Variants in BUB1 observed in about 807,000 individuals in gnomAD.
The protein encoded by BUB1 is BUB1 mitotic checkpoint serine/threonine kinase.
In BUB1, 84 loss-of-function variants were observed where a neutral mutation model predicts 135.2. The ratio of observed to expected loss-of-function variants is 0.62; its 90% CI spans 0.52 to 0.74. The LOEUF (loss-of-function observed/expected upper bound fraction) is 0.74, where lower values mean the gene tolerates loss of function less well. Among genes scored for constraint, BUB1 ranks in the 30% least tolerant of loss-of-function variants. The pLI is 0.00. For missense variants in BUB1, 1,162 were observed against 1,288.3 expected (o/e 0.90, Z 1.50); for synonymous variants, 403 against 434.4 (o/e 0.93, Z 0.90).
At position 110,661,724 on chromosome 2, in the gene BUB1, G is replaced by T. The variant is rs1181369842; in HGVS notation, c.1075C>A (p.Pro359Thr). 6.2e-7 allele frequency: 1 copy of T among 1,614,206 alleles called. No individual in the cohort carries two copies. Among genetic ancestry groups the T allele is most frequent in the Admixed American group, 1.7e-5 (1 of 60,028 alleles). ...VNMEKNPREA[P>T]PVVPPLANAI... is the part of the protein sequence containing the mutation. ...TTTGCCAAAGGAGGAACAACAGGAG[G>T]TGCCTCTCTTGGGTTCTTTTCCATG... The change falls in exon 10 of 25, where the codon CCT (proline) becomes ACT (threonine). Residue 359 changes from proline (P) to threonine (T), a missense_variant. Physicochemically the swap from Pro to Thr is conservative, Grantham distance 38. Coordinates refer to ENST00000302759, the MANE Select transcript of BUB1 (RefSeq NM_004336.5).
chr2:110,644,538 T>TA (rs1689595036), intron 19 of BUB1, among the ~76,000 whole-genome samples: 2 of 141,332 alleles, frequency 1.4e-5, no homozygotes, highest in African/African-American at 5.3e-5. Flanking sequence ...AAATTAATGA[T>TA]AGACACCAAA....
chr2:110,645,068 A>C (rs1689607499), intron 19 of BUB1, among the ~76,000 whole-genome samples: 1 of 152,092 alleles, frequency 6.6e-6, no homozygotes, highest in Non-Finnish European at 1.5e-5. Flanking sequence ...ATCAATAATC[A>C]CTTTAAATAT....
At chr2:110,641,272 G>A in intron 22 of BUB1, 35 bp downstream of exon 22, 1 of 1,588,378 alleles carries the variant, frequency 6.3e-7, no homozygotes, top group Non-Finnish European at 8.6e-7. Context: ...ATGGAAATAG[G>A]AAGAGAAGAA....
At chr2:110,663,965 C>T (rs541444394) in intron 9 of BUB1, among the ~76,000 whole-genome samples, 54 of 146,894 alleles carry the variant, frequency 3.7e-4, no homozygotes, top group Non-Finnish European at 6.1e-4. Flanking sequence ...GGAGGCGGAG[C>T]TTGCAGTGAG....
At chr2:110,647,413 T>C (rs1188032650) in intron 19 of BUB1, among the ~76,000 whole-genome samples, 2 of 152,138 alleles carry the variant, frequency 1.3e-5, no homozygotes, top group African/African-American at 4.8e-5. Context: ...TTATCCCAGG[T>C]ATACAAGGCT....
Position 110,666,415 on chromosome 2 carries a change from C to T in BUB1, c.806-1G>A, listed in dbSNP as rs1484632925. On this transcript the variant is annotated splice_acceptor_variant, in intron 8 of 24. Coordinates refer to ENST00000302759, the MANE Select transcript of BUB1 (RefSeq NM_004336.5). LOFTEE classifies it high-confidence loss of function. ...TTCATATAATGTCTGTCTTCATTTA[C>T]TTTAGGAAAGATAGAAATGGTTTGC... The T allele has an allele frequency of 3.6e-6, 5 of 1,392,320 alleles. No individual in the cohort carries two copies. The highest frequency in any genetic ancestry group is 1.5e-5 in the African/African-American group (1 of 68,150). 86.2% of individuals were successfully genotyped at this position (1,392,320 alleles called of 1,614,324 possible).
chr2:110,666,174 T>C, intron 9 of BUB1, 89 bp downstream of exon 9: 3 of 1,227,544 alleles, frequency 2.4e-6, no homozygotes, highest in Non-Finnish European at 3.1e-6. Flanking sequence ...AACATCAGAA[T>C]TAACTCTAAA....
chr2:110,663,287 A>G (rs1269498533), intron 9 of BUB1, among the ~76,000 whole-genome samples: 1 of 152,230 alleles, frequency 6.6e-6, no homozygotes, highest in African/African-American at 2.4e-5. Flanking sequence ...CTCAAAAAAA[A>G]AGAAAGTTGT....
At chr2:110,655,248 T>A (rs1275560263) in intron 16 of BUB1, among the ~76,000 whole-genome samples, 1 of 152,216 alleles carries the variant, frequency 6.6e-6, no homozygotes, top group East Asian at 1.9e-4. Context: ...AAAATAAGAC[T>A]TTCTGACTAT....
At chr2:110,662,048 C>T in intron 9 of BUB1, 1 of 569,808 alleles carries the variant, frequency 1.8e-6, no homozygotes, top group South Asian at 2.5e-5. Context: ...TTTGTAGCTT[C>T]TGAACCACAG....
At chr2:110,661,330 G>A (rs1035968986) in intron 10 of BUB1, 5 of 463,574 alleles carry the variant, frequency 1.1e-5, no homozygotes, top group Admixed American at 3.9e-5. Context: ...AGTGACTGTT[G>A]ACTTTCAGGT....
At chr2:110,660,225 C>T (rs955150766) in intron 10 of BUB1, among the ~76,000 whole-genome samples, 189 bp from the exon 11 acceptor site, 2 of 151,912 alleles carry the variant, frequency 1.3e-5, no homozygotes, top group African/African-American at 4.8e-5. Flanking sequence ...TACAAAAAAA[C>T]ATTAGCGGGG....
rs1250446705 is a variant in BUB1 at position 110,639,807 on chromosome 2, G to C, written c.2997C>G (p.Leu999=). 5 of 1,614,012 alleles carry C rather than the reference G, an allele frequency of 3.1e-6. 1 individual carries two copies. In the South Asian group the frequency reaches 5.5e-5, roughly 18 times the overall value. ...FGVAATVYCM[L]FGTYMKVKNE... ...TTTTCACTTTCATGTAAGTGCCAAAGAGCATGCAATATACTGTTGCAGCAA... is the reference window on the plus strand; with the variant it reads ...TTTTCACTTTCATGTAAGTGCCAAACAGCATGCAATATACTGTTGCAGCAA... Residue 999 remains leucine, a synonymous_variant, in exon 24 of 25, where the codon CTC becomes CTG. Transcript: ENST00000302759.
At position 110,673,153 on chromosome 2, in the gene BUB1, A is replaced by C. The variant is rs1690469000; in HGVS notation, c.226-296T>G. On this transcript the variant is annotated intron_variant, in intron 3 of 24. Transcript: ENST00000302759. ...CGATAGAGCTTAGACAAGCTTCTGG[A>C]GAGCTAAATACATGGAGGTTCCTGG... 2.0e-5 allele frequency among the ~76,000 whole-genome samples: 3 copies of C among 152,220 alleles called. No individual in the cohort carries two copies. In the South Asian group the frequency reaches 6.2e-4, roughly 32 times the overall value.
intron 1 of BUB1, among the ~76,000 whole-genome samples, chr2:110,676,779 A>T (rs1375833632): frequency 2.6e-5 from 4 of 152,172 alleles, no homozygotes; most frequent in Non-Finnish European, 5.9e-5. Context: ...ATATTATAAT[A>T]ATGTAAATAT....
intron 4 of BUB1, 60 bp from the exon 5 acceptor site, chr2:110,670,628 G>C: frequency 6.5e-7 from 1 of 1,535,560 alleles, no homozygotes. Context: ...ATAGCTGTTA[G>C]AGTGAAAACT....
intron 9 of BUB1, chr2:110,662,102 T>C (rs1690116320): frequency 2.3e-6 from 1 of 439,926 alleles, no homozygotes; most frequent in South Asian, 3.5e-5. Context: ...AAATAACAAG[T>C]CTCTATAGTT....
At chr2:110,639,045 T>G (rs1257289740) in intron 24 of BUB1, among the ~76,000 whole-genome samples, 1 of 151,952 alleles carries the variant, frequency 6.6e-6, no homozygotes, top group Non-Finnish European at 1.5e-5. Flanking sequence ...TTAAGATGAG[T>G]GTACTTTTCT....
At chr2:110,650,867 C>A in intron 17 of BUB1, 83 bp from the exon 18 acceptor site, 1 of 1,308,580 alleles carries the variant, frequency 7.6e-7, no homozygotes, top group Admixed American at 1.9e-5. Flanking sequence ...ATTCCCTTCT[C>A]ATTCTAGAAA....
Sources: allele counts gnomAD v4.1 joint callset (sites outside exome capture counted in the v4.1 genomes callset), GRCh38; gene constraint gnomAD v4.1.1; transcripts MANE v1.5; gene names NCBI Gene and HGNC (gene_info 2026-07-23, HGNC 2026-07-21).